CTNNA3: variants seen among roughly 807,000 people sequenced by gnomAD.
CTNNA3 encodes catenin alpha-3.
A neutral mutation model predicts 95.7 loss-of-function variants in CTNNA3; 76 were observed. The ratio of observed to expected loss-of-function variants is 0.79; its 90% CI spans 0.66 to 0.96. The LOEUF is 0.96. Ranked by LOEUF, CTNNA3 falls within the 40% of genes least tolerant of loss-of-function variation. The pLI is 0.00. For missense variants in CTNNA3, 1,191 were observed against 1,089.8 expected, an observed-to-expected ratio of 1.09 and a Z score of -1.31; for synonymous variants, 431 against 374.4, an observed-to-expected ratio of 1.15 and a Z score of -1.74.
At chr10:67,061,002 A>G (rs1405061539) in intron 7 of CTNNA3, among the ~76,000 whole-genome samples, 2 of 152,170 alleles carry the variant, frequency 1.3e-5, no homozygotes, top group African/African-American at 4.8e-5. Flanking sequence ...AACCTCAAAG[A>G]GTCATGGGAA....
rs1486481749 is a variant in CTNNA3, at chr10:66,053,526, A to G, written c.2159+15782T>C. 2.6e-5 allele frequency among the ~76,000 whole-genome samples: 4 copies of G among 152,170 alleles called. No homozygotes were observed. In the East Asian group the frequency reaches 7.7e-4, roughly 29 times the overall value. Reference sequence around the variant, plus strand: ...AATTATACTCTTCATTTTAAAATGTACAATTAAGTTATTATTGACTATAGT... The same window carrying G: ...AATTATACTCTTCATTTTAAAATGTGCAATTAAGTTATTATTGACTATAGT... On this transcript the variant is annotated intron_variant, in intron 15 of 17. Transcript: ENST00000433211.
At chr10:66,032,815 G>T (rs4746541) in intron 15 of CTNNA3, among the ~76,000 whole-genome samples, 117,539 of 152,114 alleles carry the variant, frequency 0.77, 45,744 homozygotes, top group South Asian at 0.9. Flanking sequence ...TTTTATAGTT[G>T]ATAAGGCATA....
intron 7 of CTNNA3, among the ~76,000 whole-genome samples, chr10:67,079,578 G>A (rs1043976397): frequency 2.6e-5 from 4 of 152,114 alleles, no homozygotes; most frequent in Non-Finnish European, 4.4e-5. Context: ...AGCCCAGCGC[G>A]GTGGCTCATG....
At chr10:65,955,739 T>C (rs1345143414) in intron 17 of CTNNA3, among the ~76,000 whole-genome samples, 4 of 152,134 alleles carry the variant, frequency 2.6e-5, no homozygotes, top group Admixed American at 1.3e-4. Context: ...GGATGAAGCC[T>C]ACTTGATCAT....
chr10:66,644,270 CTG>C lies in CTNNA3; in HGVS notation c.1282-22488_1282-22487del, dbSNP rs1564589641. Among the ~76,000 whole-genome samples, 56 of 104,476 alleles carry C rather than the reference CTG, an allele frequency of 5.4e-4. No homozygotes were observed. The South Asian group carries it at 0.019, about 36-fold the overall frequency. 68.5% of individuals were successfully genotyped at this position (104,476 alleles called of 152,430 possible). ...TAAGAGACTTGGTCTCTCTGTCTGTCTGTCTGTCTGTCTGTCTGTCTGTCTCT... is the reference window on the plus strand; with the variant it reads ...TAAGAGACTTGGTCTCTCTGTCTGTCTCTGTCTGTCTGTCTGTCTGTCTCT... On this transcript the variant is annotated intron_variant, in intron 9 of 17. Transcript: ENST00000433211.
intron 11 of CTNNA3, among the ~76,000 whole-genome samples, chr10:66,426,878 C>T (rs747050778): frequency 1.4e-4 from 21 of 151,912 alleles, no homozygotes; most frequent in Admixed American, 2.6e-4. Flanking sequence ...TCAATCTCTT[C>T]GCCAAATACT....
intron 7 of CTNNA3, among the ~76,000 whole-genome samples, chr10:67,070,615 C>T (rs374707382): frequency 6.6e-6 from 1 of 152,028 alleles, no homozygotes; most frequent in African/African-American, 2.4e-5. Context: ...GGCATGGTGG[C>T]GTGTGCCTGT....
At chr10:66,548,294 A>G (rs1440125345) in intron 10 of CTNNA3, among the ~76,000 whole-genome samples, 2 of 152,174 alleles carry the variant, frequency 1.3e-5, no homozygotes, top group Non-Finnish European at 2.9e-5. Flanking sequence ...TCTAGTACAT[A>G]GAATTGCAAT....
rs576235429 is a variant in CTNNA3, at chr10:65,989,226, G to A, written c.2160-429C>T. ...AGTGCTGGGATTACAGGCGTGAGCC[G>A]CCGTGCCCTGCCAGCTGTTGGTTTT... On this transcript the variant is annotated intron_variant, in intron 15 of 17. Coordinates refer to ENST00000433211, the MANE Select transcript of CTNNA3 (RefSeq NM_013266.4). Among the ~76,000 whole-genome samples, 25 of 152,202 alleles carry A rather than the reference G, an allele frequency of 1.6e-4. No individual in the cohort carries two copies. In the South Asian group the frequency reaches 2.7e-3, roughly 16 times the overall value.
chr10:67,235,493 C>T (rs1200656855), intron 5 of CTNNA3, among the ~76,000 whole-genome samples: 2 of 151,244 alleles, frequency 1.3e-5, no homozygotes, highest in African/African-American at 4.9e-5. Flanking sequence ...CCCTTCCTTA[C>T]ACCTTATACA....
At chr10:67,685,466 G>A (rs201490545) in intron 1 of CTNNA3, among the ~76,000 whole-genome samples, 21 of 152,226 alleles carry the variant, frequency 1.4e-4, no homozygotes, top group East Asian at 5.8e-4. Flanking sequence ...ACCATCTATC[G>A]TCCTGTCCTG....
At chr10:67,227,472 T>C (rs1283447006) in intron 5 of CTNNA3, among the ~76,000 whole-genome samples, 4 of 152,166 alleles carry the variant, frequency 2.6e-5, no homozygotes, top group Non-Finnish European at 5.9e-5. Flanking sequence ...CATTATATAA[T>C]GATAAAAGGC....
At chr10:67,254,282 A>G (rs747447620) in intron 5 of CTNNA3, among the ~76,000 whole-genome samples, 4 of 152,154 alleles carry the variant, frequency 2.6e-5, no homozygotes, top group Non-Finnish European at 5.9e-5. Context: ...ATTGCAGCTA[A>G]GAAAAGCCCC....
At position 66,879,617 on chromosome 10, in the gene CTNNA3, G is replaced by A. The variant is rs567484822; in HGVS notation, c.1048-104093C>T. On this transcript the variant is annotated intron_variant, in intron 7 of 17. Transcript: ENST00000433211. ...TAGAAGAGATAAGACAAATACCCATGAAGAGTTAAGTAATGATAAGAGTCA... is the reference window on the plus strand; with the variant it reads ...TAGAAGAGATAAGACAAATACCCATAAAGAGTTAAGTAATGATAAGAGTCA... Among the ~76,000 whole-genome samples, 23 of 152,190 alleles carry A rather than the reference G, an allele frequency of 1.5e-4. No homozygotes were observed. In the South Asian group the frequency reaches 4.6e-3, roughly 30 times the overall value.
intron 15 of CTNNA3, among the ~76,000 whole-genome samples, chr10:66,019,105 C>T (rs1279751113): frequency 6.6e-6 from 1 of 152,078 alleles, no homozygotes; most frequent in African/African-American, 2.4e-5. Flanking sequence ...ATCTATTTAG[C>T]TGAGAGCTTT....
At chr10:66,116,948 G>T (rs1348425277) in intron 13 of CTNNA3, among the ~76,000 whole-genome samples, 1 of 152,086 alleles carries the variant, frequency 6.6e-6, no homozygotes, top group Middle Eastern at 3.2e-3. Flanking sequence ...ACCCCCCCAG[G>T]CCCCTCCTCC....
chr10:67,402,987 G>T, intron 5 of CTNNA3, among the ~76,000 whole-genome samples: 1 of 152,210 alleles, frequency 6.6e-6, no homozygotes, highest in Admixed American at 6.5e-5. Flanking sequence ...AGACCCACTG[G>T]CTTGGAACTT....
At chr10:66,937,355 T>G (rs1052416617) in intron 7 of CTNNA3, among the ~76,000 whole-genome samples, 6 of 152,170 alleles carry the variant, frequency 3.9e-5, no homozygotes, top group African/African-American at 1.4e-4. Flanking sequence ...TCATATATAA[T>G]CTAATACTCA....
intron 3 of CTNNA3, among the ~76,000 whole-genome samples, chr10:67,574,149 A>G (rs1842064286): frequency 6.6e-6 from 1 of 152,152 alleles, no homozygotes; most frequent in East Asian, 1.9e-4. Flanking sequence ...GCTACTTTCA[A>G]TCCAACACCC....
Sources: allele counts gnomAD v4.1 joint callset (sites outside exome capture counted in the v4.1 genomes callset), GRCh38; gene constraint gnomAD v4.1.1; transcripts MANE v1.5; gene names NCBI Gene and HGNC (gene_info 2026-07-23, HGNC 2026-07-21).